IKZF3: variants seen among roughly 807,000 people sequenced by gnomAD.
IKZF3 encodes the protein zinc finger protein Aiolos.
A neutral mutation model predicts 49.0 loss-of-function variants in IKZF3; 10 were observed. The ratio of observed to expected loss-of-function variants is 0.20; its 90% confidence interval spans 0.13 to 0.35. The LOEUF is 0.35. Ranked by LOEUF, IKZF3 falls within the 10% of genes least tolerant of loss-of-function variation. The pLI, the probability that IKZF3 is intolerant of heterozygous loss-of-function variation, is 1.00. For synonymous variants in IKZF3, 209 were observed against 228.2 expected (o/e 0.92, Z 0.76); for missense variants, 498 against 664.8 (o/e 0.75, Z 2.76).
At position 39,781,214 on chromosome 17, in the gene IKZF3, A is replaced by G. The variant is rs552568963; in HGVS notation, c.710-3447T>C. 9.8e-5 allele frequency among the ~76,000 whole-genome samples: 15 copies of G among 152,328 alleles called. No homozygotes were observed. In the East Asian group the frequency reaches 2.7e-3, roughly 27 times the overall value. ...TTATTTCCTTTCACACAAAACCACC[A>G]CCAGATGTGGCACTACCCAAAGCCC... On this transcript the variant is annotated intron_variant, in intron 6 of 7. Transcript: ENST00000346872.
Position 39,829,401 on chromosome 17 carries a change from T to A in IKZF3, c.149A>T (p.Asp50Val). Residue 50 changes from aspartate to valine, a missense_variant, in exon 3 of 8, where the codon GAT (aspartate) becomes GTT (valine). Transcript: ENST00000346872. ...CTACGGCTCACCTCCTATGTCTTCATCTTCATTGGCTGGGCCTTCTCCACT... is the reference window on the plus strand; with the variant it reads ...CTACGGCTCACCTCCTATGTCTTCAACTTCATTGGCTGGGCCTTCTCCACT... ...VDSGEGPANEDEDIGDDSMKV... is the reference protein window; with the variant it reads ...VDSGEGPANEVEDIGDDSMKV... The A allele has an allele frequency of 6.2e-7, 1 of 1,613,184 alleles. No homozygotes were observed. The highest frequency in any genetic ancestry group is 8.5e-7 in the Non-Finnish European group (1 of 1,179,120).
chr17:39,766,600 G>T, intron 7 of IKZF3, 107 bp from the exon 8 acceptor site: 1 of 915,348 alleles, frequency 1.1e-6, no homozygotes, highest in Non-Finnish European at 1.6e-6. Context: ...GTTGCCTGCT[G>T]CTCAAGAAGA....
intron 6 of IKZF3, among the ~76,000 whole-genome samples, chr17:39,782,428 CACAT>C (rs903243882): frequency 2.0e-5 from 3 of 152,098 alleles, no homozygotes; most frequent in African/African-American, 7.2e-5. Flanking sequence ...CACACACACA[CACAT>C]ATCACACATA....
intron 1 of IKZF3, among the ~76,000 whole-genome samples, chr17:39,852,837 G>A (rs1297477814): frequency 1.3e-5 from 2 of 152,126 alleles, no homozygotes; most frequent in Non-Finnish European, 2.9e-5. Flanking sequence ...CAGGCATGGT[G>A]GTGCGTGCCT....
intron 1 of IKZF3, among the ~76,000 whole-genome samples, chr17:39,846,234 G>C (rs983238159): frequency 6.6e-6 from 1 of 152,086 alleles, no homozygotes; most frequent in African/African-American, 2.4e-5. Context: ...CTGAGATACT[G>C]ACATATATAT....
chr17:39,775,110 A>G (rs1397391670), intron 7 of IKZF3, among the ~76,000 whole-genome samples: 2 of 152,136 alleles, frequency 1.3e-5, no homozygotes, highest in Non-Finnish European at 2.9e-5. Context: ...ATTGGTCTAA[A>G]CACACAGTTA....
intron 6 of IKZF3, among the ~76,000 whole-genome samples, chr17:39,787,642 T>C (rs569928829): frequency 1.3e-5 from 2 of 152,344 alleles, no homozygotes; most frequent in East Asian, 1.9e-4. Context: ...TAACAAGACA[T>C]AATTTTCTCT....
chr17:39,787,365 C>T (rs745484260), intron 6 of IKZF3, among the ~76,000 whole-genome samples: 25 of 152,196 alleles, frequency 1.6e-4, no homozygotes, highest in Admixed American at 2.6e-4. Flanking sequence ...ATTCAAATCA[C>T]TGAATAAAAC....
chr17:39,845,627 G>T (rs1339210577), intron 1 of IKZF3, among the ~76,000 whole-genome samples: 1 of 151,976 alleles, frequency 6.6e-6, no homozygotes, highest in Non-Finnish European at 1.5e-5. Flanking sequence ...CAACTAAGTA[G>T]TTGTGACAGA....
chr17:39,765,490 G>C lies in IKZF3; in HGVS notation c.*300C>G, dbSNP rs2060266978. ...AGAATGTTTCATATAGCACATCTCC[G>C]GGACCACTCATTCCACTGCTGTAGA... On this transcript the variant is annotated 3_prime_UTR_variant, in exon 8 of 8. Transcript: ENST00000346872. The C allele has an allele frequency of 3.6e-6, 1 of 276,822 alleles. No individual in the cohort carries two copies. The allele number at this position is 276,822 out of a possible 1,614,324, so 17.1% of individuals were successfully genotyped here. A position where few individuals can be genotyped will look rare whatever the true frequency, so the allele number is the denominator to read the frequency against.
chr17:39,807,604 C>T (rs1411814597), intron 3 of IKZF3, among the ~76,000 whole-genome samples: 2 of 126,550 alleles, frequency 1.6e-5, no homozygotes, highest in African/African-American at 3.1e-5. Flanking sequence ...TCCAGCTACT[C>T]GGGCGGCTGA....
intron 1 of IKZF3, among the ~76,000 whole-genome samples, chr17:39,851,324 T>C (rs1309495453): frequency 1.3e-5 from 2 of 152,008 alleles, no homozygotes; most frequent in Non-Finnish European, 2.9e-5. Context: ...CCAGCGTGCC[T>C]GGCCACCTAG....
At chr17:39,824,750 C>A (rs2061911524) in intron 3 of IKZF3, among the ~76,000 whole-genome samples, 1 of 150,976 alleles carries the variant, frequency 6.6e-6, no homozygotes, top group Admixed American at 6.6e-5. Flanking sequence ...GGCTGGAGTG[C>A]AGTGGCGTGA....
At chr17:39,769,938 G>A (rs2060395106) in intron 7 of IKZF3, among the ~76,000 whole-genome samples, 1 of 152,142 alleles carries the variant, frequency 6.6e-6, no homozygotes, top group African/African-American at 2.4e-5. Flanking sequence ...ATAAACCCCT[G>A]GATGAGTGGA....
At position 39,763,825 on chromosome 17, in the gene IKZF3, C is replaced by T. The variant is rs2060230227; in HGVS notation, c.*1965G>A. 1 of 152,096 alleles carries T rather than the reference C, an allele frequency of 6.6e-6. No homozygotes were observed. Among genetic ancestry groups the T allele is most frequent in the South Asian group, 2.1e-4 (1 of 4,814 alleles). 9.4% of individuals were successfully genotyped at this position (152,096 alleles called of 1,614,324 possible). ...AATTCCTATTTTATGGATGAGGAAA[C>T]TGAGTTTTTTTTGTTTTTGTTTGTT... On this transcript the variant is annotated 3_prime_UTR_variant, in exon 8 of 8. Transcript: ENST00000346872.
At chr17:39,854,314 T>A (rs183159641) in intron 1 of IKZF3, among the ~76,000 whole-genome samples, 363 of 142,890 alleles carry the variant, frequency 2.5e-3, no homozygotes, top group African/African-American at 8.6e-3. Context: ...TGCATCAATT[T>A]AAAAAAAAAA....
rs879885068 is a variant in IKZF3, at chr17:39,764,111, T to A, written c.*1679A>T. The A allele has an allele frequency of 1.3e-5, 2 of 152,096 alleles. No homozygotes were observed. Among genetic ancestry groups the A allele is most frequent in the Non-Finnish European group, 2.9e-5 (2 of 68,028 alleles). 9.4% of individuals were successfully genotyped at this position (152,096 alleles called of 1,614,324 possible). ...CTCAAATGATGCGCCTGCCTCGGCT[T>A]CCCAAAGTGTTGGGATTACAGGTGT... On this transcript the variant is annotated 3_prime_UTR_variant, in exon 8 of 8. Transcript: ENST00000346872.
chr17:39,798,996 C>CGTGTGTGTGT (rs10628627), intron 3 of IKZF3, among the ~76,000 whole-genome samples: 192 of 149,078 alleles, frequency 1.3e-3, no homozygotes, highest in Admixed American at 2.7e-3. Flanking sequence ...TGTGTGTGTG[C>CGTGTGTGTGT]GTGTGTGTGT....
intron 3 of IKZF3, among the ~76,000 whole-genome samples, chr17:39,820,210 T>C (rs979754763): frequency 6.6e-6 from 1 of 152,190 alleles, no homozygotes; most frequent in African/African-American, 2.4e-5. Context: ...ATGCGATGAA[T>C]TAAAACAGGG....
Sources: gnomAD v4.1 joint callset for allele counts (sites outside exome capture counted in the v4.1 genomes callset) on GRCh38, gnomAD v4.1.1 for gene constraint, MANE v1.5 for transcripts, NCBI Gene and HGNC (gene_info 2026-07-23, HGNC 2026-07-21) for gene names.